CNTNAP2: variants seen among roughly 807,000 people sequenced by gnomAD.
CNTNAP2 encodes contactin-associated protein-like 2.
A neutral mutation model predicts 155.2 loss-of-function variants in CNTNAP2; 98 were observed. The ratio of observed to expected loss-of-function variants is 0.63; its 90% CI spans 0.54 to 0.75. The LOEUF (loss-of-function observed/expected upper bound fraction) is 0.75. CNTNAP2 is among the 30% of genes least tolerant of loss of function. The pLI, the probability that CNTNAP2 is intolerant of heterozygous loss-of-function variation, is 0.00. For missense variants in CNTNAP2, 1,727 were observed against 1,688.1 expected (o/e 1.02, Z -0.40); for synonymous variants, 651 against 631.2 (o/e 1.03, Z -0.47).
intron 9 of CNTNAP2, among the ~76,000 whole-genome samples, chr7:147,328,840 T>C (rs941347084): frequency 6.6e-6 from 1 of 151,994 alleles, no homozygotes; most frequent in African/African-American, 2.4e-5. Context: ...GGTTGGGAAC[T>C]GGAGAGACAC....
chr7:147,193,933 C>T (rs1280412506), intron 8 of CNTNAP2, among the ~76,000 whole-genome samples: 1 of 151,408 alleles, frequency 6.6e-6, no homozygotes, highest in Admixed American at 6.6e-5. Flanking sequence ...GGAATGAATG[C>T]CAATAATTAT....
intron 3 of CNTNAP2, among the ~76,000 whole-genome samples, chr7:147,011,620 T>C (rs1798626520): frequency 1.4e-5 from 2 of 144,498 alleles, no homozygotes; most frequent in African/African-American, 5.2e-5. Flanking sequence ...AGTTTATCTC[T>C]GGCCTCCTAT....
intron 1 of CNTNAP2, among the ~76,000 whole-genome samples, chr7:146,550,649 G>A (rs1374323676): frequency 6.6e-6 from 1 of 151,808 alleles, no homozygotes; most frequent in Non-Finnish European, 1.5e-5. Context: ...ATGTTTGTAT[G>A]TATCACAGTT....
At chr7:146,868,664 A>C (rs1359521656) in intron 3 of CNTNAP2, among the ~76,000 whole-genome samples, 1 of 152,032 alleles carries the variant, frequency 6.6e-6, no homozygotes, top group Non-Finnish European at 1.5e-5. Context: ...AGGTTTTTTA[A>C]TTTGTTTGTG....
intron 15 of CNTNAP2, among the ~76,000 whole-genome samples, chr7:148,078,733 G>A (rs753462084): frequency 3.3e-5 from 5 of 152,222 alleles, no homozygotes; most frequent in Middle Eastern, 3.4e-3. Flanking sequence ...CACCAGCCTC[G>A]GCCTCCTGAA....
At chr7:148,105,291 G>C (rs1460392989) in intron 15 of CNTNAP2, among the ~76,000 whole-genome samples, 1 of 152,152 alleles carries the variant, frequency 6.6e-6, no homozygotes, top group Non-Finnish European at 1.5e-5. Context: ...TATGAACTGA[G>C]AGAGAGAAGG....
intron 1 of CNTNAP2, among the ~76,000 whole-genome samples, chr7:146,422,993 T>C (rs1314347081): frequency 6.6e-6 from 1 of 152,186 alleles, no homozygotes; most frequent in Admixed American, 6.6e-5. Flanking sequence ...AAGAAAATAC[T>C]GTTACAGCAC....
At chr7:146,636,878 C>G (rs552198599) in intron 1 of CNTNAP2, among the ~76,000 whole-genome samples, 1 of 152,282 alleles carries the variant, frequency 6.6e-6, no homozygotes, top group South Asian at 2.1e-4. Context: ...CCTTGCTTTT[C>G]AACTGTATTC....
In CNTNAP2 at chr7:146,192,159, C is replaced by A. The variant is rs145295906; in HGVS notation, c.97+75186C>A. ...TATGTTCTTCTGCCATCGCTTCAGC[C>A]GGTCCCTCCGTTCGGGGTCCCTGAC... is the stretch of plus-strand genomic sequence containing the variant. On this transcript the variant is annotated intron_variant, in intron 1 of 23. Coordinates refer to ENST00000361727, the MANE Select transcript of CNTNAP2 (RefSeq NM_014141.6). Among the ~76,000 whole-genome samples, 7 of 152,222 alleles carry A rather than the reference C, an allele frequency of 4.6e-5. No homozygotes were observed. In the South Asian group the frequency reaches 1.4e-3, roughly 32 times the overall value.
chr7:146,503,668 C>T (rs534592569), intron 1 of CNTNAP2, among the ~76,000 whole-genome samples: 4 of 152,202 alleles, frequency 2.6e-5, no homozygotes, highest in African/African-American at 9.6e-5. Context: ...TCCAATTTTC[C>T]CATCACCACT....
intron 1 of CNTNAP2, among the ~76,000 whole-genome samples, chr7:146,723,615 G>C (rs1025422451): frequency 3.3e-5 from 5 of 152,112 alleles, no homozygotes; most frequent in Non-Finnish European, 7.4e-5. Context: ...CACCTGGGAA[G>C]AACTATTAAG....
chr7:146,167,717 A>G (rs1798332780), intron 1 of CNTNAP2, among the ~76,000 whole-genome samples: 1 of 152,196 alleles, frequency 6.6e-6, no homozygotes, highest in Non-Finnish European at 1.5e-5. Flanking sequence ...TGAGTTGATC[A>G]TTGCATTAGG....
At chr7:147,004,845 C>T (rs558431149) in intron 3 of CNTNAP2, among the ~76,000 whole-genome samples, 4 of 151,770 alleles carry the variant, frequency 2.6e-5, no homozygotes, top group Non-Finnish European at 2.9e-5. Context: ...TGTGTTAAAA[C>T]GAATCAACTA....
chr7:146,741,234 A>G (rs935895248), intron 1 of CNTNAP2, among the ~76,000 whole-genome samples: 1 of 152,174 alleles, frequency 6.6e-6, no homozygotes, highest in Non-Finnish European at 1.5e-5. Flanking sequence ...CTCACGTGGT[A>G]AAAAGATCCT....
chr7:147,503,332 C>T (rs866378391), intron 11 of CNTNAP2, among the ~76,000 whole-genome samples: 16 of 152,142 alleles, frequency 1.1e-4, no homozygotes, highest in African/African-American at 3.9e-4. Context: ...GTAAAGACAC[C>T]AGCCATTGGA....
intron 15 of CNTNAP2, among the ~76,000 whole-genome samples, chr7:148,026,674 T>A (rs1395895141): frequency 6.6e-6 from 1 of 152,172 alleles, no homozygotes; most frequent in Non-Finnish European, 1.5e-5. Flanking sequence ...ATTCAGAGTT[T>A]GAACCAGATA....
intron 1 of CNTNAP2, among the ~76,000 whole-genome samples, chr7:146,543,730 GATA>G: frequency 1.3e-5 from 2 of 151,946 alleles, no homozygotes; most frequent in Admixed American, 1.3e-4. Flanking sequence ...TCAACATGTT[GATA>G]AGTAGCAACT....
At position 146,947,798 on chromosome 7, in the gene CNTNAP2, C is replaced by T. The variant is rs1287205506; in HGVS notation, c.403-96109C>T. Among the ~76,000 whole-genome samples, 3 of 151,424 alleles carry T rather than the reference C, an allele frequency of 2.0e-5. No individual in the cohort carries two copies. The East Asian group carries it at 5.9e-4, about 30-fold the overall frequency. On this transcript the variant is annotated intron_variant, in intron 3 of 23. Transcript: ENST00000361727. ...TGGGGTGCCTGTAGTCCCAGCTACT[C>T]AGGAGACTGAGGTGGGAGGATCACT...
chr7:146,706,090 A>G (rs1223239852), intron 1 of CNTNAP2, among the ~76,000 whole-genome samples: 2 of 152,114 alleles, frequency 1.3e-5, no homozygotes, highest in Non-Finnish European at 2.9e-5. Context: ...TCTAGATGCC[A>G]GTAACACCCC....
Sources: gnomAD v4.1 joint callset for allele counts (sites outside exome capture counted in the v4.1 genomes callset) on GRCh38, gnomAD v4.1.1 for gene constraint, MANE v1.5 for transcripts, NCBI Gene and HGNC (gene_info 2026-07-23, HGNC 2026-07-21) for gene names.